RAB27B: variants seen among roughly 807,000 people sequenced by gnomAD.
RAB27B encodes the protein RAB27B, member RAS oncogene family, also known as ras-related protein Rab-27B.
Under a neutral mutation model 24.6 loss-of-function variants are expected in RAB27B, and 15 were observed. That is an observed-to-expected ratio of 0.61 (90% CI 0.41 to 0.94). The LOEUF is 0.94. Ranked by LOEUF, RAB27B falls within the 40% of genes least tolerant of loss-of-function variation. The probability of loss-of-function intolerance (pLI) is 0.00; values close to 1 mark genes in which losing one functional copy is unlikely to be tolerated. For missense variants in RAB27B, 261 were observed against 266.8 expected (o/e 0.98, Z 0.15); for synonymous variants, 105 against 92.5 (o/e 1.14, Z -0.78).
intron 2 of RAB27B, among the ~76,000 whole-genome samples, chr18:54,756,848 C>A (rs1908020360): frequency 6.6e-6 from 1 of 152,186 alleles, no homozygotes. Flanking sequence ...TACCTATCAT[C>A]ATAGTACTCA....
chr18:54,860,663 A>C (rs1911976520), intron 1 of RAB27B, among the ~76,000 whole-genome samples: 1 of 152,232 alleles, frequency 6.6e-6, no homozygotes, highest in African/African-American at 2.4e-5. Flanking sequence ...CATTTTCCCC[A>C]ATAACATAAG....
chr18:54,762,755 C>T (rs1194742559), intron 2 of RAB27B, among the ~76,000 whole-genome samples: 1 of 152,170 alleles, frequency 6.6e-6, no homozygotes, highest in African/African-American at 2.4e-5. Flanking sequence ...CACTCCTTAT[C>T]TGTCTTCCCT....
At chr18:54,830,781 C>G (rs753986450) in intron 1 of RAB27B, among the ~76,000 whole-genome samples, 1 of 152,122 alleles carries the variant, frequency 6.6e-6, no homozygotes, top group African/African-American at 2.4e-5. Flanking sequence ...TTCATGTTCT[C>G]CAAATATTAA....
At chr18:54,810,921 T>A (rs867286378) in intron 2 of RAB27B, among the ~76,000 whole-genome samples, 40 of 152,036 alleles carry the variant, frequency 2.6e-4, no homozygotes, top group Middle Eastern at 3.4e-3. Context: ...AATTGTAGAC[T>A]CCTTGAGACC....
chr18:54,808,511 G>A (rs184677073), intron 2 of RAB27B, among the ~76,000 whole-genome samples: 1 of 152,348 alleles, frequency 6.6e-6, no homozygotes, highest in African/African-American at 2.4e-5. Flanking sequence ...ACTAGATGTT[G>A]AGGAACATTA....
At chr18:54,819,347 G>C (rs1185219325) in intron 2 of RAB27B, among the ~76,000 whole-genome samples, 2 of 148,336 alleles carry the variant, frequency 1.3e-5, no homozygotes, top group East Asian at 3.9e-4. Context: ...GCTGTTACCA[G>C]ATTGATAATA....
Position 54,892,187 on chromosome 18 carries a change from A to C in RAB27B, c.*2774A>C, listed in dbSNP as rs545999731. 6.6e-6 allele frequency: 1 copy of C among 152,106 alleles called. No homozygotes were observed. Among genetic ancestry groups the C allele is most frequent in the Non-Finnish European group, 1.5e-5 (1 of 68,004 alleles). 9.4% of individuals were successfully genotyped at this position (152,106 alleles called of 1,614,324 possible). On this transcript the variant is annotated 3_prime_UTR_variant, in exon 6 of 6. Transcript: ENST00000262094. ...GCTTTAGTAAAACGTATTTAGGAGAAATGTTGAAAATGTACATGAAGCTCC... is the reference window on the plus strand; with the variant it reads ...GCTTTAGTAAAACGTATTTAGGAGACATGTTGAAAATGTACATGAAGCTCC...
chr18:54,728,256 G>C (rs936006956), intron 2 of RAB27B, among the ~76,000 whole-genome samples: 2 of 152,166 alleles, frequency 1.3e-5, no homozygotes, highest in Non-Finnish European at 2.9e-5. Context: ...TAGACTCTTG[G>C]CCATCTCCAT....
chr18:54,725,708 G>A (rs998198777), intron 2 of RAB27B, among the ~76,000 whole-genome samples: 6 of 151,356 alleles, frequency 4.0e-5, no homozygotes, highest in African/African-American at 7.3e-5. Context: ...ATCAGATATC[G>A]TGAGAACTAA....
intron 2 of RAB27B, among the ~76,000 whole-genome samples, chr18:54,797,572 A>C (rs1440613651): frequency 1.3e-5 from 2 of 152,234 alleles, no homozygotes; most frequent in Non-Finnish European, 2.9e-5. Context: ...TGTTCAGAAT[A>C]GTCTAGTCTA....
intron 1 of RAB27B, among the ~76,000 whole-genome samples, chr18:54,866,486 C>T (rs1912233244): frequency 6.6e-6 from 1 of 152,320 alleles, no homozygotes; most frequent in Non-Finnish European, 1.5e-5. Flanking sequence ...CCAGTAGAGA[C>T]GGGGTTTCAC....
intron 3 of RAB27B, chr18:54,880,867 A>G (rs1912895408): frequency 6.6e-6 from 1 of 152,128 alleles, no homozygotes; most frequent in Non-Finnish European, 1.5e-5. Flanking sequence ...TGGGTTATTC[A>G]TCACTTGAGA....
intron 1 of RAB27B, among the ~76,000 whole-genome samples, chr18:54,875,732 G>C (rs188704111): frequency 6.6e-6 from 1 of 152,198 alleles, no homozygotes; most frequent in Admixed American, 6.5e-5. Flanking sequence ...ATAACGTAAA[G>C]CAATGCAAAT....
chr18:54,878,569 T>C (rs1255573108), intron 2 of RAB27B, among the ~76,000 whole-genome samples: 4 of 152,172 alleles, frequency 2.6e-5, no homozygotes, highest in Non-Finnish European at 5.9e-5. Flanking sequence ...CAATACATGG[T>C]TGTGTAGGCT....
chr18:54,785,542 C>T lies in RAB27B; in HGVS notation c.-20+67401C>T, dbSNP rs542978858. ...CCCCATACTGACTATCCCCCTCCTTCTTATATTTCCCTCAGTAACAACACC... is the reference window on the plus strand; with the variant it reads ...CCCCATACTGACTATCCCCCTCCTTTTTATATTTCCCTCAGTAACAACACC... On this transcript the variant is annotated intron_variant, in intron 2 of 4. Coordinates refer to the RAB27B transcript ENST00000586570. 3.4e-5 allele frequency among the ~76,000 whole-genome samples: 5 copies of T among 146,384 alleles called. No homozygotes were observed. The Admixed American group carries it at 3.6e-4, about 10-fold the overall frequency.
intron 1 of RAB27B, among the ~76,000 whole-genome samples, chr18:54,871,117 G>A (rs1912447532): frequency 6.6e-6 from 1 of 152,098 alleles, no homozygotes; most frequent in African/African-American, 2.4e-5. Context: ...CCTTTCATAT[G>A]GGCACTCATC....
chr18:54,743,383 C>CA (rs1222135965), intron 2 of RAB27B, among the ~76,000 whole-genome samples: 2 of 152,114 alleles, frequency 1.3e-5, no homozygotes, highest in Non-Finnish European at 2.9e-5. Flanking sequence ...CTTGGAGCTC[C>CA]AGACAGTACA....
chr18:54,886,552 T>C (rs1211258411), intron 4 of RAB27B, among the ~76,000 whole-genome samples: 2 of 152,182 alleles, frequency 1.3e-5, no homozygotes, highest in Non-Finnish European at 2.9e-5. Context: ...TAATTGCTTC[T>C]CCAAATGAAC....
intron 1 of RAB27B, among the ~76,000 whole-genome samples, chr18:54,841,497 G>T (rs1911120029): frequency 6.6e-6 from 1 of 152,160 alleles, no homozygotes; most frequent in Non-Finnish European, 1.5e-5. Context: ...AATCCCCGAT[G>T]AACACTGAGA....
Sources: allele counts gnomAD v4.1 joint callset (sites outside exome capture counted in the v4.1 genomes callset), GRCh38; gene constraint gnomAD v4.1.1; transcripts MANE v1.5; gene names NCBI Gene and HGNC (gene_info 2026-07-23, HGNC 2026-07-21).